RAD54L2: variants seen among roughly 807,000 people sequenced by gnomAD.
The protein encoded by RAD54L2 is RAD54 like 2, also known as helicase ARIP4.
Under a neutral mutation model 138.4 loss-of-function variants are expected in RAD54L2, and 27 were observed. That is an observed-to-expected ratio of 0.20 (90% CI 0.14 to 0.27). The LOEUF (loss-of-function observed/expected upper bound fraction) is 0.27, where lower values mean the gene tolerates loss of function less well. RAD54L2 is among the 10% of genes least tolerant of loss of function. The pLI is 1.00. For synonymous variants in RAD54L2, 644 were observed against 723.2 expected (o/e 0.89, Z 1.76); for missense variants, 1,396 against 1,890.2 (o/e 0.74, Z 4.85).
chr3:51,663,283 C>G lies in RAD54L2; in HGVS notation c.4267C>G (p.His1423Asp), dbSNP rs750027513. Reference sequence around the variant, plus strand: ...TATCTATCCAGGCTACATGTCCCCACATGCAGGCTACCCAGCTGGTGGCCT... The same window carrying G: ...TATCTATCCAGGCTACATGTCCCCAGATGCAGGCTACCCAGCTGGTGGCCT... The part of the protein sequence containing the change: ...MSIYPGYMSP[H>D]AGYPAGGLLR... The change falls in exon 23 of 23, where the codon CAT becomes GAT. Residue 1423 changes from histidine to aspartate, a missense_variant. Transcript: ENST00000684192. 1 of 1,613,974 alleles carries G rather than the reference C, an allele frequency of 6.2e-7. No individual in the cohort carries two copies. The highest frequency in any genetic ancestry group is 1.1e-5 in the South Asian group (1 of 91,072).
chr3:51,633,601 G>A lies in RAD54L2; in HGVS notation c.850G>A (p.Asp284Asn). 2 of 1,613,834 alleles carry A rather than the reference G, an allele frequency of 1.2e-6. No individual in the cohort carries two copies. The highest frequency in any genetic ancestry group is 8.5e-7 in the Non-Finnish European group (1 of 1,179,766). Residue 284 changes from aspartate (D) to asparagine (N), a missense_variant, in exon 8 of 23, where the codon GAT becomes AAT. This residue lies in a region of RAD54L2 where 12 missense variants were observed against 46.1 expected (regional missense o/e 0.26). Transcript: ENST00000684192. ...HQIGGIRFLY[D>N]NLVESLERFK... Reference sequence around the variant, plus strand: ...GATTGGCGGGATCCGGTTCCTTTACGATAACCTAGTGGAGTCTCTGGAGAG... The same window carrying A: ...GATTGGCGGGATCCGGTTCCTTTACAATAACCTAGTGGAGTCTCTGGAGAG...
At chr3:51,632,850 G>A (rs1322640564) in intron 7 of RAD54L2, among the ~76,000 whole-genome samples, 3 of 149,688 alleles carry the variant, frequency 2.0e-5, no homozygotes, top group South Asian at 2.1e-4. Flanking sequence ...CTGAGATTGC[G>A]CCTTTGCACT....
Position 51,663,053 on chromosome 3 carries a change from C to G in RAD54L2, c.4037C>G (p.Pro1346Arg). 1 of 1,613,992 alleles carries G rather than the reference C, an allele frequency of 6.2e-7. No homozygotes were observed. ...ARLVFPVTTD[P>R]LVPAGPVSSS... ...CTGGTGTTTCCAGTGACTACTGACCCTCTGGTGCCAGCAGGCCCCGTCAGT... is the reference window on the plus strand; with the variant it reads ...CTGGTGTTTCCAGTGACTACTGACCGTCTGGTGCCAGCAGGCCCCGTCAGT... The change falls in exon 23 of 23, where the codon CCT (proline) becomes CGT (arginine). Residue 1346 changes from proline (P) to arginine (R), a missense_variant. Transcript: ENST00000684192.
chr3:51,649,569 G>T (rs566828674), intron 19 of RAD54L2, among the ~76,000 whole-genome samples: 1 of 152,306 alleles, frequency 6.6e-6, no homozygotes, highest in Admixed American at 6.5e-5. Context: ...TACCCACAAA[G>T]GGAAGCCCAT....
chr3:51,578,840 C>T (rs1381214581), intron 2 of RAD54L2, among the ~76,000 whole-genome samples: 2 of 152,208 alleles, frequency 1.3e-5, no homozygotes, highest in East Asian at 3.9e-4. Context: ...GTGGAGGGTC[C>T]GTGTGACAGC....
At chr3:51,633,438 A>AATAG in intron 7 of RAD54L2, 139 bp from the exon 8 acceptor site, 1 of 803,268 alleles carries the variant, frequency 1.2e-6, no homozygotes, top group Admixed American at 2.7e-5. Flanking sequence ...AGGTACAGGG[A>AATAG]ATCTTCTATG....
intron 2 of RAD54L2, among the ~76,000 whole-genome samples, chr3:51,588,063 G>A (rs921935895): frequency 1.3e-5 from 2 of 151,614 alleles, no homozygotes; most frequent in African/African-American, 4.8e-5. Flanking sequence ...GCAGGCGCCT[G>A]TAGTCCCAGC....
chr3:51,649,751 C>G (rs1701380696), intron 19 of RAD54L2, among the ~76,000 whole-genome samples: 1 of 152,144 alleles, frequency 6.6e-6, no homozygotes, highest in Non-Finnish European at 1.5e-5. Context: ...GATTTGTCAC[C>G]ACCAGGCCTA....
At chr3:51,620,312 T>A (rs1700542243) in intron 3 of RAD54L2, among the ~76,000 whole-genome samples, 1 of 147,896 alleles carries the variant, frequency 6.8e-6, no homozygotes, top group Non-Finnish European at 1.5e-5. Context: ...TTGCCCAGTC[T>A]GGTCTTGAAC....
intron 2 of RAD54L2, among the ~76,000 whole-genome samples, chr3:51,552,963 CATGT>C (rs754983123): frequency 2.0e-5 from 3 of 152,076 alleles, no homozygotes; most frequent in Non-Finnish European, 2.9e-5. Context: ...GTGTTTATTT[CATGT>C]ATGTATTTAT....
rs545052152 is a variant in RAD54L2 at position 51,665,413 on chromosome 3, C to T, written c.*1993C>T. 6.6e-6 allele frequency: 1 copy of T among 152,158 alleles called. No individual in the cohort carries two copies. The highest frequency in any genetic ancestry group is 1.9e-4 in the East Asian group (1 of 5,172). The allele number at this position is 152,158 out of a possible 1,614,324, so 9.4% of individuals were successfully genotyped here. A position where few individuals can be genotyped will look rare whatever the true frequency, so the allele number is the denominator to read the frequency against. On this transcript the variant is annotated 3_prime_UTR_variant, in exon 23 of 23. Coordinates refer to ENST00000684192, the MANE Select transcript of RAD54L2 (RefSeq NM_015106.4). ...TGGGGTATTGTCCTCAGAGAAGAGA[C>T]AAGGAGATGATGGATGGGGTGCATG... is the stretch of plus-strand genomic sequence containing the variant.
chr3:51,624,327 C>G (rs1420308670), intron 3 of RAD54L2, among the ~76,000 whole-genome samples: 1 of 151,426 alleles, frequency 6.6e-6, no homozygotes, highest in Non-Finnish European at 1.5e-5. Flanking sequence ...GCCTCCACCT[C>G]CCAAGCTTAA....
chr3:51,549,694 C>T (rs1339306238), intron 2 of RAD54L2, among the ~76,000 whole-genome samples: 1 of 149,610 alleles, frequency 6.7e-6, no homozygotes, highest in Non-Finnish European at 1.5e-5. Context: ...AGTAGAATCA[C>T]TTGAACCTGG....
At chr3:51,608,941 A>T (rs1700268381) in intron 3 of RAD54L2, among the ~76,000 whole-genome samples, 1 of 152,016 alleles carries the variant, frequency 6.6e-6, no homozygotes. Context: ...CACAGTTTGG[A>T]GTGCAGTGGT....
chr3:51,565,138 A>G (rs578069625), intron 2 of RAD54L2, among the ~76,000 whole-genome samples: 2 of 152,340 alleles, frequency 1.3e-5, no homozygotes, highest in South Asian at 4.1e-4. Context: ...GGAACATACC[A>G]TATAGTTATT....
chr3:51,560,006 A>C (rs1414973416), intron 2 of RAD54L2, among the ~76,000 whole-genome samples: 4 of 152,204 alleles, frequency 2.6e-5, no homozygotes, highest in Non-Finnish European at 5.9e-5. Context: ...TGCTGTGTGA[A>C]TCCTCACAGC....
chr3:51,601,563 C>T (rs1010699354), intron 3 of RAD54L2, among the ~76,000 whole-genome samples: 2 of 151,966 alleles, frequency 1.3e-5, no homozygotes, highest in African/African-American at 4.8e-5. Flanking sequence ...ACCTCAGCCT[C>T]CCAAAGTGCT....
rs1334977808 is a variant in RAD54L2, at chr3:51,641,857, C to T, written c.2340C>T (p.Ile780=). The stretch of plus-strand genomic sequence containing the variant: ...GAGCACAGAAGTGGGTTCGAAACAT[C>T]AGCTACTTCCGTGAGTTCATTGTTG... ...GQGAQKWVRN[I]SYFRLDGSTP... The change falls in exon 15 of 23, where the codon ATC becomes ATT. Residue 780 remains isoleucine (I), a synonymous_variant. Coordinates refer to ENST00000684192, the MANE Select transcript of RAD54L2 (RefSeq NM_015106.4). The T allele has an allele frequency of 3.8e-6, 6 of 1,580,762 alleles. No individual in the cohort carries two copies. Among genetic ancestry groups the T allele is most frequent in the Non-Finnish European group, 5.2e-6 (6 of 1,162,030 alleles).
intron 1 of RAD54L2, 111 bp from the exon 2 acceptor site, chr3:51,541,478 C>T (rs1183976492): frequency 6.6e-6 from 1 of 152,156 alleles, no homozygotes; most frequent in African/African-American, 2.4e-5. Flanking sequence ...CAGTGATTTA[C>T]AAATACTATA....
Sources: allele counts gnomAD v4.1 joint callset (sites outside exome capture counted in the v4.1 genomes callset), GRCh38; gene constraint gnomAD v4.1.1; regional missense constraint gnomAD v4.1.1; transcripts MANE v1.5; gene names NCBI Gene and HGNC (gene_info 2026-07-23, HGNC 2026-07-21).